EPC2: variants seen among roughly 807,000 people sequenced by gnomAD.
The protein encoded by EPC2 is enhancer of polycomb homolog 2.
Under a neutral mutation model 92.1 loss-of-function variants are expected in EPC2, and 14 were observed. That is an observed-to-expected ratio of 0.15 (90% CI 0.10 to 0.24). EPC2 has a LOEUF of 0.24. Among genes scored for constraint, EPC2 ranks in the 10% least tolerant of loss-of-function variants. The probability of loss-of-function intolerance (pLI) is 1.00; values close to 1 mark genes in which losing one functional copy is unlikely to be tolerated. For synonymous variants in EPC2, 340 were observed against 334.7 expected, an observed-to-expected ratio of 1.02 and a Z score of -0.17; for missense variants, 755 against 971.5, an observed-to-expected ratio of 0.78 and a Z score of 2.96.
intron 2 of EPC2, among the ~76,000 whole-genome samples, chr2:148,736,879 C>T (rs961786435): frequency 2.6e-5 from 4 of 151,500 alleles, no homozygotes; most frequent in South Asian, 2.1e-4. Context: ...GCAGGCAGAT[C>T]GCTTCAGCCT....
chr2:148,669,612 A>G (rs1461194730), intron 1 of EPC2, among the ~76,000 whole-genome samples: 1 of 152,126 alleles, frequency 6.6e-6, no homozygotes, highest in Non-Finnish European at 1.5e-5. Flanking sequence ...AGCCCAGGGG[A>G]TCGAGGCTGC....
At chr2:148,709,528 G>A (rs1574596498) in intron 2 of EPC2, among the ~76,000 whole-genome samples, 1 of 152,176 alleles carries the variant, frequency 6.6e-6, no homozygotes, top group Non-Finnish European at 1.5e-5. Context: ...AAAAGAGTCT[G>A]CATTGCCAAG....
At chr2:148,697,771 T>A (rs980358384) in intron 2 of EPC2, among the ~76,000 whole-genome samples, 5 of 152,176 alleles carry the variant, frequency 3.3e-5, no homozygotes, top group Non-Finnish European at 7.4e-5. Flanking sequence ...AGCCAGGACC[T>A]TTGGGTTTTA....
intron 2 of EPC2, among the ~76,000 whole-genome samples, chr2:148,703,922 T>G (rs1681940337): frequency 6.6e-6 from 1 of 152,148 alleles, no homozygotes; most frequent in Non-Finnish European, 1.5e-5. Flanking sequence ...TTAGCAAGGA[T>G]GTGGTGAATT....
At chr2:148,772,112 A>G (rs974530598) in intron 10 of EPC2, among the ~76,000 whole-genome samples, 5 of 152,034 alleles carry the variant, frequency 3.3e-5, no homozygotes, top group Non-Finnish European at 5.9e-5. Context: ...ATGAATAATA[A>G]TTTTTGTCCA....
intron 2 of EPC2, among the ~76,000 whole-genome samples, chr2:148,695,068 G>A (rs924205879): frequency 6.6e-6 from 1 of 152,190 alleles, no homozygotes; most frequent in Non-Finnish European, 1.5e-5. Flanking sequence ...GTGAGCCATC[G>A]CACCAGCCTG....
At chr2:148,769,457 T>A (rs1443471048) in intron 8 of EPC2, among the ~76,000 whole-genome samples, 1 of 152,226 alleles carries the variant, frequency 6.6e-6, no homozygotes, top group Non-Finnish European at 1.5e-5. Flanking sequence ...CCTCACATTT[T>A]AGAAATTTAG....
chr2:148,720,427 C>A (rs1682346913), intron 2 of EPC2, among the ~76,000 whole-genome samples: 1 of 152,116 alleles, frequency 6.6e-6, no homozygotes, highest in South Asian at 2.1e-4. Flanking sequence ...GCCTGCAGAA[C>A]AAGGCTGCTC....
Position 148,771,369 on chromosome 2 carries a change from A to T in EPC2, c.1702A>T (p.Ser568Cys). 1 of 1,600,046 alleles carries T rather than the reference A, an allele frequency of 6.2e-7. No homozygotes were observed. The highest frequency in any genetic ancestry group is 8.5e-7 in the Non-Finnish European group (1 of 1,174,816). Residue 568 changes from serine (S) to cysteine (C), a missense_variant, in exon 10 of 14, where the codon AGC becomes TGC. By Grantham distance (112) the Ser-to-Cys change is moderately radical. Transcript: ENST00000258484. ...SAASVALLNT[S>C]KNGISVTGGI... ...AGCATCTGTAGCTTTATTGAACACC[A>T]GCAAGAATGGCATATCAGGTAAGCT...
intron 2 of EPC2, among the ~76,000 whole-genome samples, chr2:148,738,783 A>G (rs1296931083): frequency 1.3e-5 from 2 of 152,198 alleles, no homozygotes; most frequent in African/African-American, 4.8e-5. Flanking sequence ...CTGCTTTGAA[A>G]CTAATTGATA....
Position 148,644,901 on chromosome 2 carries a change from G to A in EPC2, c.-117G>A. 1 of 869,662 alleles carries A rather than the reference G, an allele frequency of 1.1e-6. No homozygotes were observed. Among genetic ancestry groups the A allele is most frequent in the Non-Finnish European group, 1.8e-6 (1 of 564,346 alleles). The allele number at this position is 869,662 out of a possible 1,614,324, so 53.9% of individuals were successfully genotyped here. ...GGCCGGGGGCAGTGAGGAGGAGGAGGAGCGGGCCGGCCGCGCTGCACTGAG... is the reference window on the plus strand; with the variant it reads ...GGCCGGGGGCAGTGAGGAGGAGGAGAAGCGGGCCGGCCGCGCTGCACTGAG... On this transcript the variant is annotated 5_prime_UTR_variant, in exon 1 of 14. Coordinates refer to ENST00000258484, the MANE Select transcript of EPC2 (RefSeq NM_015630.4).
At chr2:148,775,176 A>G (rs1172876670) in intron 10 of EPC2, among the ~76,000 whole-genome samples, 2 of 152,172 alleles carry the variant, frequency 1.3e-5, no homozygotes, top group Non-Finnish European at 1.5e-5. Flanking sequence ...GGTGAACATG[A>G]CAATTGAGTA....
rs151259916 is a variant in EPC2, at chr2:148,668,616, G to A, written c.154-21598G>A. 7.1e-4 allele frequency among the ~76,000 whole-genome samples: 108 copies of A among 152,234 alleles called. 1 individual carries two copies. Among genetic ancestry groups the A allele is most frequent in the African/African-American group, 2.4e-3 (100 of 41,544 alleles). ...TTTTAAAGTTCAGTTTCTTTAATAC[G>A]TATAAGGCTAACAGTTTCTTCCCAA... is the stretch of plus-strand genomic sequence containing the variant. On this transcript the variant is annotated intron_variant, in intron 1 of 13. Coordinates refer to ENST00000258484, the MANE Select transcript of EPC2 (RefSeq NM_015630.4).
chr2:148,674,697 C>G (rs947748033), intron 1 of EPC2, among the ~76,000 whole-genome samples: 4 of 152,190 alleles, frequency 2.6e-5, no homozygotes, highest in Admixed American at 6.5e-5. Context: ...GCTTTTTCTC[C>G]CAGTAGTGTT....
At chr2:148,738,330 T>C (rs1682809784) in intron 2 of EPC2, among the ~76,000 whole-genome samples, 1 of 152,206 alleles carries the variant, frequency 6.6e-6, no homozygotes, top group Non-Finnish European at 1.5e-5. Context: ...CCCTGTGGAT[T>C]GGAGTGTCAC....
intron 1 of EPC2, among the ~76,000 whole-genome samples, chr2:148,684,443 T>G (rs1681472340): frequency 1.3e-5 from 2 of 152,208 alleles, no homozygotes; most frequent in African/African-American, 4.8e-5. Context: ...GTAGAAGAGT[T>G]TTTCCGATGT....
At chr2:148,777,916 G>C (rs773733245) in intron 10 of EPC2, among the ~76,000 whole-genome samples, 2 of 152,156 alleles carry the variant, frequency 1.3e-5, no homozygotes, top group Non-Finnish European at 2.9e-5. Flanking sequence ...AGACTGTTCT[G>C]TATACAACAT....
chr2:148,659,649 AC>A (rs1680894626), intron 1 of EPC2, among the ~76,000 whole-genome samples: 1 of 152,110 alleles, frequency 6.6e-6, no homozygotes, highest in African/African-American at 2.4e-5. Flanking sequence ...CTTTTGGTAG[AC>A]TGAGACAGGA....
In EPC2 at chr2:148,786,827, T is replaced by C. The variant is rs1264680114; in HGVS notation, c.*450T>C. ...TAGGAAATGAAATTCTTGTAATTTT[T>C]TTCTAAAGGAACTGTAAAGTTTTCA... On this transcript the variant is annotated 3_prime_UTR_variant, in exon 14 of 14. Coordinates refer to ENST00000258484, the MANE Select transcript of EPC2 (RefSeq NM_015630.4). 6.5e-6 allele frequency: 1 copy of C among 153,182 alleles called. No individual in the cohort carries two copies. Among genetic ancestry groups the C allele is most frequent in the East Asian group, 1.9e-4 (1 of 5,218 alleles). 9.5% of individuals were successfully genotyped at this position (153,182 alleles called of 1,614,324 possible).
Sources: gnomAD v4.1 joint callset for allele counts (sites outside exome capture counted in the v4.1 genomes callset) on GRCh38, gnomAD v4.1.1 for gene constraint, MANE v1.5 for transcripts, NCBI Gene and HGNC (gene_info 2026-07-23, HGNC 2026-07-21) for gene names.